The following CCDC50 variants were observed in gnomAD, a reference collection of about 807,000 sequenced individuals.
CCDC50 encodes coiled-coil domain containing 50.
CCDC50 carries 54 observed loss-of-function variants against 70.2 expected under a neutral mutation model. The observed-to-expected ratio is 0.77, with a 90% CI of 0.62 to 0.96. The LOEUF is 0.96. Among genes scored for constraint, CCDC50 ranks in the 50% least tolerant of loss-of-function variants. The pLI, the probability that CCDC50 is intolerant of heterozygous loss-of-function variation, is 0.00. For missense variants in CCDC50, 558 were observed against 578.7 expected (o/e 0.96, Z 0.37); for synonymous variants, 216 against 198.8 (o/e 1.09, Z -0.73).
chr3:191,338,358 G>T (rs1711589107), intron 1 of CCDC50, among the ~76,000 whole-genome samples: 3 of 152,104 alleles, frequency 2.0e-5, no homozygotes, highest in Admixed American at 1.3e-4. Context: ...GACTCTTTTT[G>T]TCTAGATGGG....
At position 191,369,892 on chromosome 3, in the gene CCDC50, A is replaced by G. The variant is rs774664830; in HGVS notation, c.331-27A>G. ...GTTTGTTTGTTCTTTGGTAATGTGT[A>G]TTTCCATTCTCCTCTTGTCTTTGCA... On this transcript the variant is annotated intron_variant, in intron 4 of 11. Transcript: ENST00000392455. The G allele has an allele frequency of 1.3e-5, 20 of 1,523,996 alleles. No homozygotes were observed. The South Asian group carries it at 1.9e-4, about 15-fold the overall frequency. The allele number at this position is 1,523,996 out of a possible 1,614,324, so 94.4% of individuals were successfully genotyped here.
Position 191,396,108 on chromosome 3 carries a change from T to C in CCDC50, c.*4348T>C, listed in dbSNP as rs376322092. On this transcript the variant is annotated 3_prime_UTR_variant, in exon 12 of 12. Coordinates refer to ENST00000392455, the MANE Select transcript of CCDC50 (RefSeq NM_178335.3). ...TGTCATTAGAAATGCTGAAATTTAA[T>C]TGTAGAGAAGTCAAGAAAGAAAGAG... 3 of 152,188 alleles carry C rather than the reference T, an allele frequency of 2.0e-5. No homozygotes were observed. Among genetic ancestry groups the C allele is most frequent in the East Asian group, 1.9e-4 (1 of 5,200 alleles). 9.4% of individuals were successfully genotyped at this position (152,188 alleles called of 1,614,324 possible). A position where few individuals can be genotyped will look rare whatever the true frequency, so the allele number is the denominator to read the frequency against.
chr3:191,366,787 A>G lies in CCDC50; in HGVS notation c.331-3132A>G, dbSNP rs1712707780. ...TTTTTTTGGATAAAGTTTTGAGGCC[A>G]GTGTTCTCAGGAAGAGGCTTGGGAA... On this transcript the variant is annotated intron_variant, in intron 4 of 11. Coordinates refer to ENST00000392455, the MANE Select transcript of CCDC50 (RefSeq NM_178335.3). Among the ~76,000 whole-genome samples the G allele has an allele frequency of 4.6e-5, 7 of 152,140 alleles. No individual in the cohort carries two copies. The South Asian group carries it at 1.5e-3, about 32-fold the overall frequency.
intron 1 of CCDC50, among the ~76,000 whole-genome samples, chr3:191,333,036 A>G (rs985382382): frequency 6.6e-6 from 1 of 152,074 alleles, no homozygotes; most frequent in South Asian, 2.1e-4. Context: ...CAGTTCTCTC[A>G]ATCTCATTTT....
intron 10 of CCDC50, among the ~76,000 whole-genome samples, 170 bp from the exon 11 acceptor site, chr3:191,389,326 A>G (rs931822046): frequency 3.9e-5 from 6 of 152,370 alleles, no homozygotes; most frequent in African/African-American, 1.4e-4. Context: ...ACGGGAAGAT[A>G]AATAATTTAT....
intron 4 of CCDC50, among the ~76,000 whole-genome samples, chr3:191,368,632 G>T (rs1258594668): frequency 1.3e-5 from 2 of 151,544 alleles, no homozygotes; most frequent in African/African-American, 4.9e-5. Flanking sequence ...TTCTTCATTC[G>T]CACCTATTCA....
In CCDC50 at chr3:191,355,701, T is replaced by C. The variant is rs559989338; in HGVS notation, c.50-1387T>C. 3.2e-3 allele frequency among the ~76,000 whole-genome samples: 495 copies of C among 152,324 alleles called. 1 individual carries two copies. Among genetic ancestry groups the C allele is most frequent in the Middle Eastern group, 6.8e-3 (2 of 294 alleles). On this transcript the variant is annotated intron_variant, in intron 1 of 11. Coordinates refer to ENST00000392455, the MANE Select transcript of CCDC50 (RefSeq NM_178335.3). ...TAACTAGGACCTGGGCTTCAAGATA[T>C]TAGAATCGGTTGAGAATATGAAAAG...
intron 1 of CCDC50, among the ~76,000 whole-genome samples, chr3:191,338,248 A>G (rs1172964633): frequency 6.6e-6 from 1 of 152,240 alleles, no homozygotes; most frequent in African/African-American, 2.4e-5. Context: ...ATTTTTGAGT[A>G]GCATCTTCCC....
In CCDC50 at chr3:191,392,290, T is replaced by C. The variant is rs1472286820; in HGVS notation, c.*530T>C. The C allele has an allele frequency of 1.3e-5, 2 of 158,794 alleles. No individual in the cohort carries two copies. The highest frequency in any genetic ancestry group is 4.8e-5 in the African/African-American group (2 of 41,480). 9.8% of individuals were successfully genotyped at this position (158,794 alleles called of 1,614,324 possible). A position where few individuals can be genotyped will look rare whatever the true frequency, so the allele number is the denominator to read the frequency against. On this transcript the variant is annotated 3_prime_UTR_variant, in exon 12 of 12. Coordinates refer to ENST00000392455, the MANE Select transcript of CCDC50 (RefSeq NM_178335.3). ...CACTTGGAGCAATTGAAATATGTTA[T>C]TCTGACTAGATGGACTGTAGAGGTT... is the stretch of plus-strand genomic sequence containing the variant.
rs35498670 is a variant in CCDC50, at chr3:191,368,077, A to C, written c.331-1842A>C. Among the ~76,000 whole-genome samples, 881 of 152,120 alleles carry C rather than the reference A, an allele frequency of 5.8e-3. 8 individuals are homozygous for C. The highest frequency in any genetic ancestry group is 9.9e-3 in the Non-Finnish European group (674 of 67,926). On this transcript the variant is annotated intron_variant, in intron 4 of 11. Transcript: ENST00000392455. ...TTTTTTTTTAAGATTGAATAGTTCA[A>C]ACTTTCTATTGTACAGATAAAGAAT... is the stretch of plus-strand genomic sequence containing the variant.
Position 191,329,530 on chromosome 3 carries a change from C to T in CCDC50, c.-145C>T. The stretch of plus-strand genomic sequence containing the variant: ...CTTTGGTCACCAGCCCCTGCCCGCC[C>T]GACCCGCTCCGTTCTCCGGCCTGCG... On this transcript the variant is annotated 5_prime_UTR_variant, in exon 1 of 12. Coordinates refer to ENST00000392455, the MANE Select transcript of CCDC50 (RefSeq NM_178335.3). The T allele has an allele frequency of 4.2e-6, 3 of 721,292 alleles. No individual in the cohort carries two copies. The highest frequency in any genetic ancestry group is 6.4e-6 in the Non-Finnish European group (3 of 469,712). The allele number at this position is 721,292 out of a possible 1,614,324, so 44.7% of individuals were successfully genotyped here. A position where few individuals can be genotyped will look rare whatever the true frequency, so the allele number is the denominator to read the frequency against.
At chr3:191,390,027 A>C (rs1713630409) in intron 11 of CCDC50, among the ~76,000 whole-genome samples, 1 of 118,136 alleles carries the variant, frequency 8.5e-6, no homozygotes, top group Admixed American at 8.5e-5. Flanking sequence ...CACTTGGCTA[A>C]TTTCTGTATT....
At chr3:191,331,509 T>C (rs1717984213) in intron 1 of CCDC50, among the ~76,000 whole-genome samples, 1 of 152,216 alleles carries the variant, frequency 6.6e-6, no homozygotes, top group East Asian at 1.9e-4. Context: ...TGTTTGGCAA[T>C]CTCTTTTATG....
intron 4 of CCDC50, among the ~76,000 whole-genome samples, chr3:191,364,616 AAC>A (rs1712617086): frequency 6.6e-6 from 1 of 151,676 alleles, no homozygotes; most frequent in Non-Finnish European, 1.5e-5. Context: ...TTTTCTGAAC[AAC>A]ATTGTGTGTC....
intron 5 of CCDC50, 53 bp from the exon 6 acceptor site, chr3:191,375,009 C>G: frequency 6.4e-7 from 1 of 1,573,274 alleles, no homozygotes. Context: ...GTTCATAACT[C>G]TCATTAAATT....
rs139622821 is a variant in CCDC50, at chr3:191,385,812, G to A, written c.1322+2987G>A. On this transcript the variant is annotated intron_variant, in intron 10 of 11. Transcript: ENST00000392455. ...TTGAATTTTTTGTATATGGTGAGAG[G>A]TATGGGTCCAGTTTCATTCTTCTGC... Among the ~76,000 whole-genome samples, 669 of 152,162 alleles carry A rather than the reference G, an allele frequency of 4.4e-3. 5 individuals are homozygous for A. Among genetic ancestry groups the A allele is most frequent in the Middle Eastern group, 0.031 (9 of 294 alleles).
In CCDC50 at chr3:191,380,261, A is replaced by G; in HGVS notation, c.1079A>G (p.Glu360Gly). The G allele has an allele frequency of 1.2e-6, 2 of 1,611,940 alleles. No homozygotes were observed. The highest frequency in any genetic ancestry group is 1.3e-5 in the African/African-American group (1 of 74,960). The change falls in exon 7 of 12, where the codon GAA becomes GGA. Residue 360 changes from glutamate (E) to glycine (G), a missense_variant. Transcript: ENST00000392455. ...YDAEIARKLQ[E>G]EELLATQVDM... is the part of the protein sequence containing the mutation. ...GCTGAAATTGCCAGAAAACTGCAAG[A>G]AGAAGAACTTTTGGTGAGCAAATTT...
intron 4 of CCDC50, among the ~76,000 whole-genome samples, chr3:191,363,314 C>A (rs926149094): frequency 6.6e-6 from 1 of 152,156 alleles, no homozygotes; most frequent in African/African-American, 2.4e-5. Flanking sequence ...TTCAGGTCTC[C>A]TGACTGCTTC....
Position 191,392,807 on chromosome 3 carries a change from G to C in CCDC50, c.*1047G>C, listed in dbSNP as rs527670219. ...GGCTGGAGTGCAGTGGTGCAATCTT[G>C]GCTCACTGCAACCTCCGCCACCTGG... On this transcript the variant is annotated 3_prime_UTR_variant, in exon 12 of 12. Coordinates refer to ENST00000392455, the MANE Select transcript of CCDC50 (RefSeq NM_178335.3). 2 of 152,314 alleles carry C rather than the reference G, an allele frequency of 1.3e-5. No individual in the cohort carries two copies. Among genetic ancestry groups the C allele is most frequent in the African/African-American group, 4.8e-5 (2 of 41,538 alleles). 9.4% of individuals were successfully genotyped at this position (152,314 alleles called of 1,614,324 possible).
Sources: gnomAD v4.1 joint callset for allele counts (sites outside exome capture counted in the v4.1 genomes callset) on GRCh38, gnomAD v4.1.1 for gene constraint, MANE v1.5 for transcripts, NCBI Gene and HGNC (gene_info 2026-07-23, HGNC 2026-07-21) for gene names.